ZFAND5: variants seen among roughly 807,000 people sequenced by gnomAD.
The protein encoded by ZFAND5 is zinc finger AN1-type containing 5, also known as AN1-type zinc finger protein 5.
ZFAND5 carries 4 observed loss-of-function variants against 23.6 expected under a neutral mutation model. The observed-to-expected ratio is 0.17, with a 90% CI of 0.08 to 0.39. ZFAND5 has a LOEUF of 0.39. ZFAND5 is among the 10% of genes least tolerant of loss of function. The pLI, the probability that ZFAND5 is intolerant of heterozygous loss-of-function variation, is 1.00. For synonymous variants in ZFAND5, 68 were observed against 80.6 expected (o/e 0.84, Z 0.84); for missense variants, 161 against 253.7 (o/e 0.63, Z 2.48).
At chr9:72,356,222 CTCTTT>C in intron 6 of ZFAND5, 121 bp from the exon 7 acceptor site, 1 of 1,205,126 alleles carries the variant, frequency 8.3e-7, no homozygotes, top group Non-Finnish European at 1.1e-6. Context: ...AGACAGTGAA[CTCTTT>C]TCTTCCACTT....
chr9:72,363,548 T>A lies in ZFAND5; in HGVS notation c.-88A>T. 9.2e-6 allele frequency: 8 copies of A among 873,682 alleles called. No homozygotes were observed. Among genetic ancestry groups the A allele is most frequent in the Non-Finnish European group, 1.1e-5 (8 of 727,792 alleles). The allele number at this position is 873,682 out of a possible 1,614,324, so 54.1% of individuals were successfully genotyped here. On this transcript the variant is annotated 5_prime_UTR_variant, in exon 2 of 7. Transcript: ENST00000376962. ...TTGGGCAAGTCCTTACTTTCCAGATTTCAGTTCCCTCTTTGCCAAATGGAG... is the reference window on the plus strand; with the variant it reads ...TTGGGCAAGTCCTTACTTTCCAGATATCAGTTCCCTCTTTGCCAAATGGAG...
chr9:72,363,843 G>A (rs1314599073), intron 1 of ZFAND5: 1 of 165,780 alleles, frequency 6.0e-6, no homozygotes, highest in Non-Finnish European at 1.2e-5. Flanking sequence ...TGACCTATAT[G>A]TTCCTTTATC....
At position 72,353,393 on chromosome 9, in the gene ZFAND5, T is replaced by C. The variant is rs927580688; in HGVS notation, c.*2560A>G. 1 of 151,982 alleles carries C rather than the reference T, an allele frequency of 6.6e-6. No individual in the cohort carries two copies. The highest frequency in any genetic ancestry group is 2.1e-4 in the South Asian group (1 of 4,822). The allele number at this position is 151,982 out of a possible 1,614,324, so 9.4% of individuals were successfully genotyped here. A position where few individuals can be genotyped will look rare whatever the true frequency, so the allele number is the denominator to read the frequency against. ...CAAAAAAAAAACAAAAAAAACTGAT[T>C]GGCCGGGTGCGGTGCCTCACGCCTG... On this transcript the variant is annotated 3_prime_UTR_variant, in exon 7 of 7. Coordinates refer to ENST00000376962, the MANE Select transcript of ZFAND5 (RefSeq NM_001102420.3).
chr9:72,357,402 G>A (rs915716276), intron 5 of ZFAND5, among the ~76,000 whole-genome samples: 18 of 152,016 alleles, frequency 1.2e-4, no homozygotes, highest in Admixed American at 1.1e-3. Context: ...GTTTTTCCAC[G>A]TTATAATTTC....
intron 3 of ZFAND5, 151 bp downstream of exon 3, chr9:72,360,477 A>T: frequency 9.7e-7 from 1 of 1,033,108 alleles, no homozygotes; most frequent in Non-Finnish European, 1.4e-6. Flanking sequence ...ATTCCTGATC[A>T]GTCATGTCAA....
At position 72,351,446 on chromosome 9, in the gene ZFAND5, T is replaced by TG. The variant is rs1274194335; in HGVS notation, c.*4506_*4507insC. On this transcript the variant is annotated 3_prime_UTR_variant, in exon 7 of 7. Coordinates refer to ENST00000376962, the MANE Select transcript of ZFAND5 (RefSeq NM_001102420.3). ...AACAAAACAAAAAAAGTCTTACATT[T>TG]ATTAACTTTACTTCTATGGCTGTAA... 1 of 152,218 alleles carries TG rather than the reference T, an allele frequency of 6.6e-6. No individual in the cohort carries two copies. Among genetic ancestry groups the TG allele is most frequent in the East Asian group, 1.9e-4 (1 of 5,198 alleles). The allele number at this position is 152,218 out of a possible 1,614,324, so 9.4% of individuals were successfully genotyped here.
At chr9:72,364,438 G>C (rs892594137) in intron 1 of ZFAND5, 104 of 1,266,220 alleles carry the variant, frequency 8.2e-5, no homozygotes, top group Non-Finnish European at 9.9e-5. Flanking sequence ...CGCAGAGGCG[G>C]CACGCCGTGC....
In ZFAND5 at chr9:72,352,607, T is replaced by C. The variant is rs1841805849; in HGVS notation, c.*3346A>G. ...GTTATTTCCTAGCAACTTTATTTAATGCAGATCTCTTGCAAAGAAAGCCTT... is the reference window on the plus strand; with the variant it reads ...GTTATTTCCTAGCAACTTTATTTAACGCAGATCTCTTGCAAAGAAAGCCTT... On this transcript the variant is annotated 3_prime_UTR_variant, in exon 7 of 7. Coordinates refer to ENST00000376962, the MANE Select transcript of ZFAND5 (RefSeq NM_001102420.3). 6.6e-6 allele frequency: 1 copy of C among 152,260 alleles called. No homozygotes were observed. Among genetic ancestry groups the C allele is most frequent in the African/African-American group, 2.4e-5 (1 of 41,458 alleles). 9.4% of individuals were successfully genotyped at this position (152,260 alleles called of 1,614,324 possible). A position where few individuals can be genotyped will look rare whatever the true frequency, so the allele number is the denominator to read the frequency against.
In ZFAND5 at chr9:72,355,748, G is replaced by T; in HGVS notation, c.*205C>A. On this transcript the variant is annotated 3_prime_UTR_variant, in exon 7 of 7. Transcript: ENST00000376962. ...TTTCATCCAATTTTTTTCAGGGGAG[G>T]GCATATACATTTGTAGGGCTGTATC... 1 of 407,390 alleles carries T rather than the reference G, an allele frequency of 2.5e-6. No individual in the cohort carries two copies. Among genetic ancestry groups the T allele is most frequent in the Non-Finnish European group, 4.3e-6 (1 of 233,522 alleles). 25.2% of individuals were successfully genotyped at this position (407,390 alleles called of 1,614,324 possible).
At position 72,363,613 on chromosome 9, in the gene ZFAND5, G is replaced by A; in HGVS notation, c.-146-7C>T. The stretch of plus-strand genomic sequence containing the variant: ...AAAGGCTCCTTTTCAGGGCCTGGGA[G>A]ATAGAAAACAGGAGACAACTACAAA... On this transcript the variant is annotated splice_polypyrimidine_tract_variant and splice_region_variant and intron_variant, in intron 1 of 6. Coordinates refer to ENST00000376962, the MANE Select transcript of ZFAND5 (RefSeq NM_001102420.3). 3.1e-6 allele frequency: 3 copies of A among 982,586 alleles called. No individual in the cohort carries two copies. Among genetic ancestry groups the A allele is most frequent in the Non-Finnish European group, 3.6e-6 (3 of 827,448 alleles). 60.9% of individuals were successfully genotyped at this position (982,586 alleles called of 1,614,324 possible).
chr9:72,364,864 C>T lies in ZFAND5; in HGVS notation c.-315G>A, dbSNP rs957138535. 7 of 155,886 alleles carry T rather than the reference C, an allele frequency of 4.5e-5. No homozygotes were observed. The highest frequency in any genetic ancestry group is 1.7e-4 in the African/African-American group (7 of 41,576). The allele number at this position is 155,886 out of a possible 1,614,324, so 9.7% of individuals were successfully genotyped here. A position where few individuals can be genotyped will look rare whatever the true frequency, so the allele number is the denominator to read the frequency against. ...GGCGCCGCCGCCGCCGCGGGGTCTT[C>T]CTTTGTTCCTGCAGCAGCGTCGAGC... is the stretch of plus-strand genomic sequence containing the variant. On this transcript the variant is annotated 5_prime_UTR_variant, in exon 1 of 7. Coordinates refer to ENST00000376962, the MANE Select transcript of ZFAND5 (RefSeq NM_001102420.3).
rs1213024601 is a variant in ZFAND5 at position 72,351,484 on chromosome 9, G to A, written c.*4469C>T. ...TCTATGGCTGTAACAGAAATACTCT[G>A]GAAGAAAACACAGAAACAGTCTTTG... On this transcript the variant is annotated 3_prime_UTR_variant, in exon 7 of 7. Transcript: ENST00000376962. 2.0e-5 allele frequency: 3 copies of A among 151,932 alleles called. No homozygotes were observed. The East Asian group carries it at 5.8e-4, about 29-fold the overall frequency. The allele number at this position is 151,932 out of a possible 1,614,324, so 9.4% of individuals were successfully genotyped here. A position where few individuals can be genotyped will look rare whatever the true frequency, so the allele number is the denominator to read the frequency against.
intron 1 of ZFAND5, 112 bp from the exon 2 acceptor site, chr9:72,363,718 A>G: frequency 1.2e-6 from 1 of 859,056 alleles, no homozygotes; most frequent in Non-Finnish European, 1.4e-6. Flanking sequence ...ATTTTCACCA[A>G]CTGAGTTCTG....
At position 72,360,757 on chromosome 9, in the gene ZFAND5, T is replaced by A; in HGVS notation, c.22A>T (p.Thr8Ser). The A allele has an allele frequency of 6.2e-7, 1 of 1,607,474 alleles. No individual in the cohort carries two copies. The highest frequency in any genetic ancestry group is 8.5e-7 in the Non-Finnish European group (1 of 1,175,398). MAQETNQ[T>S]PGPMLCSTGC... Reference sequence around the variant, plus strand: ...GTGCTACACAGCATGGGCCCCGGGGTCTGGTTAGTCTCCTGAGCCATATTT... The same window carrying A: ...GTGCTACACAGCATGGGCCCCGGGGACTGGTTAGTCTCCTGAGCCATATTT... The change falls in exon 3 of 7, where the codon ACC (threonine) becomes TCC (serine). Residue 8 changes from threonine to serine, a missense_variant. This residue lies in a region of ZFAND5 where 21 missense variants were observed against 58.5 expected (regional missense o/e 0.36). Coordinates refer to ENST00000376962, the MANE Select transcript of ZFAND5 (RefSeq NM_001102420.3).
At position 72,353,429 on chromosome 9, in the gene ZFAND5, A is replaced by G. The variant is rs1384453500; in HGVS notation, c.*2524T>C. The G allele has an allele frequency of 1.3e-5, 2 of 152,320 alleles. No homozygotes were observed. Among genetic ancestry groups the G allele is most frequent in the Non-Finnish European group, 2.9e-5 (2 of 68,148 alleles). The allele number at this position is 152,320 out of a possible 1,614,324, so 9.4% of individuals were successfully genotyped here. On this transcript the variant is annotated 3_prime_UTR_variant, in exon 7 of 7. Coordinates refer to ENST00000376962, the MANE Select transcript of ZFAND5 (RefSeq NM_001102420.3). Reference sequence around the variant, plus strand: ...GGTGCCTCACGCCTGTAATCCCAGCACTTTGGGAGGCCGAGGCGGGCAGCT... The same window carrying G: ...GGTGCCTCACGCCTGTAATCCCAGCGCTTTGGGAGGCCGAGGCGGGCAGCT...
At position 72,356,219 on chromosome 9, in the gene ZFAND5, G is replaced by A. The variant is rs1208921785; in HGVS notation, c.494-118C>T. On this transcript the variant is annotated intron_variant, in intron 6 of 6. Transcript: ENST00000376962. Reference sequence around the variant, plus strand: ...ATTGCTTTGTAACATAAAAGACAGTGAACTCTTTTCTTCCACTTCCTGGTG... The same window carrying A: ...ATTGCTTTGTAACATAAAAGACAGTAAACTCTTTTCTTCCACTTCCTGGTG... 3.2e-6 allele frequency: 4 copies of A among 1,255,572 alleles called. No individual in the cohort carries two copies. The African/African-American group carries it at 6.1e-5, about 19-fold the overall frequency. 77.8% of individuals were successfully genotyped at this position (1,255,572 alleles called of 1,614,324 possible). A position where few individuals can be genotyped will look rare whatever the true frequency, so the allele number is the denominator to read the frequency against.
intron 1 of ZFAND5, chr9:72,364,188 C>T (rs1842189620): frequency 4.5e-6 from 1 of 223,080 alleles, no homozygotes; most frequent in South Asian, 4.6e-5. Flanking sequence ...AGGGCCCTCT[C>T]CGAAAACCAC....
At position 72,357,195 on chromosome 9, in the gene ZFAND5, C is replaced by G; in HGVS notation, c.368-139G>C. ...ATTCCTTGAAAATACAAGCTTTAAA[C>G]AGAATCTTCCATTTTAACATCAGAA... is the stretch of plus-strand genomic sequence containing the variant. On this transcript the variant is annotated intron_variant, in intron 5 of 6. Transcript: ENST00000376962. 2.9e-6 allele frequency: 3 copies of G among 1,030,462 alleles called. No individual in the cohort carries two copies. The South Asian group carries it at 5.8e-5, about 20-fold the overall frequency. 63.8% of individuals were successfully genotyped at this position (1,030,462 alleles called of 1,614,324 possible).
chr9:72,360,289 G>A (rs72729131), intron 3 of ZFAND5, 68 bp from the exon 4 acceptor site: 822 of 1,307,160 alleles, frequency 6.3e-4, no homozygotes, highest in Non-Finnish European at 8.4e-4. Flanking sequence ...TCAAGACGTA[G>A]TAATAAATAC....
Sources: allele counts gnomAD v4.1 joint callset (sites outside exome capture counted in the v4.1 genomes callset), GRCh38; gene constraint gnomAD v4.1.1; regional missense constraint gnomAD v4.1.1; transcripts MANE v1.5; gene names NCBI Gene and HGNC (gene_info 2026-07-23, HGNC 2026-07-21).